TULP4: variants seen among roughly 807,000 people sequenced by gnomAD.
TULP4 encodes tubby-related protein 4.
In TULP4, 16 loss-of-function variants were observed where a neutral mutation model predicts 129.0. That is an observed-to-expected ratio of 0.12 (90% CI 0.08 to 0.19). The LOEUF is 0.19. Among genes scored for constraint, TULP4 ranks in the 10% least tolerant of loss-of-function variants. TULP4 has a pLI of 1.00. For missense variants in TULP4, 1,842 were observed against 2,059.1 expected, an observed-to-expected ratio of 0.89 and a Z score of 2.04; for synonymous variants, 998 against 854.0, an observed-to-expected ratio of 1.17 and a Z score of -2.94.
chr6:158,283,124 G>A (rs1178835338), intron 1 of TULP4, among the ~76,000 whole-genome samples: 2 of 143,124 alleles, frequency 1.4e-5, no homozygotes, highest in Non-Finnish European at 1.5e-5. Flanking sequence ...GGGTGACAGA[G>A]CAAGACTCCG....
At chr6:158,489,560 T>G (rs1780150075) in intron 8 of TULP4, 28 bp from the exon 9 acceptor site, 1 of 1,613,684 alleles carries the variant, frequency 6.2e-7, no homozygotes, top group Non-Finnish European at 8.5e-7. Context: ...TAACTTCCCT[T>G]GAAATCTGCT....
chr6:158,430,462 G>A (rs1232861388), intron 3 of TULP4, among the ~76,000 whole-genome samples: 1 of 152,140 alleles, frequency 6.6e-6, no homozygotes, highest in African/African-American at 2.4e-5. Context: ...CATTTTGGAG[G>A]CCAGGCACGG....
At chr6:158,239,075 T>C (rs1314641055) in intron 1 of TULP4, among the ~76,000 whole-genome samples, 2 of 84,790 alleles carry the variant, frequency 2.4e-5, no homozygotes, top group Non-Finnish European at 5.1e-5. Context: ...CCCACCTCCC[T>C]CCCGGACGGG....
At chr6:158,334,986 T>A (rs937846668) in intron 1 of TULP4, among the ~76,000 whole-genome samples, 2 of 152,128 alleles carry the variant, frequency 1.3e-5, no homozygotes, top group Non-Finnish European at 2.9e-5. Context: ...AAAAATAAAT[T>A]TCTGTTCTTG....
At chr6:158,342,037 G>A (rs957944300) in intron 1 of TULP4, among the ~76,000 whole-genome samples, 2 of 152,212 alleles carry the variant, frequency 1.3e-5, no homozygotes, top group South Asian at 2.1e-4. Context: ...TCCTGCCTCA[G>A]CCTCCTGAGT....
chr6:158,242,155 C>G (rs1021177404), intron 1 of TULP4: 15 of 1,041,844 alleles, frequency 1.4e-5, no homozygotes, highest in Admixed American at 1.7e-5. Flanking sequence ...GATGGCCAGT[C>G]CTGCCTGTGG....
intron 1 of TULP4, among the ~76,000 whole-genome samples, chr6:158,387,312 C>T (rs556920142): frequency 5.9e-5 from 9 of 152,104 alleles, no homozygotes; most frequent in African/African-American, 1.4e-4. Context: ...CTGTCAGTCC[C>T]GTATATCTAT....
At chr6:158,486,145 G>A (rs1165396914) in intron 8 of TULP4, among the ~76,000 whole-genome samples, 1 of 152,136 alleles carries the variant, frequency 6.6e-6, no homozygotes, top group Non-Finnish European at 1.5e-5. Context: ...GTGCCCCCAC[G>A]TCACCCCCAA....
chr6:158,477,008 A>G (rs1229259583), intron 6 of TULP4, among the ~76,000 whole-genome samples: 3 of 152,150 alleles, frequency 2.0e-5, no homozygotes, highest in Non-Finnish European at 4.4e-5. Context: ...GAATAATGTT[A>G]TTCATGTGGG....
At chr6:158,285,944 C>T (rs911629763) in intron 1 of TULP4, among the ~76,000 whole-genome samples, 7 of 152,142 alleles carry the variant, frequency 4.6e-5, no homozygotes, top group African/African-American at 1.7e-4. Flanking sequence ...CATTTGAGTC[C>T]TTTCTATATG....
At chr6:158,369,826 A>C (rs1466625588) in intron 1 of TULP4, among the ~76,000 whole-genome samples, 1 of 151,922 alleles carries the variant, frequency 6.6e-6, no homozygotes, top group East Asian at 1.9e-4. Flanking sequence ...GGGGAGGGAG[A>C]TTTGCTTTCT....
At position 158,507,818 on chromosome 6, in the gene TULP4, G is replaced by T. The variant is rs147206358; in HGVS notation, c.*1124G>T. The T allele has an allele frequency of 1.3e-5, 2 of 152,098 alleles. No homozygotes were observed. Among genetic ancestry groups the T allele is most frequent in the South Asian group, 2.1e-4 (1 of 4,824 alleles). 9.4% of individuals were successfully genotyped at this position (152,098 alleles called of 1,614,324 possible). Reference sequence around the variant, plus strand: ...CATTAAAATTCAGTTGACTACAAATGCTTTCTATCAAATTAGAAATGTAAC... The same window carrying T: ...CATTAAAATTCAGTTGACTACAAATTCTTTCTATCAAATTAGAAATGTAAC... On this transcript the variant is annotated 3_prime_UTR_variant, in exon 14 of 14. Coordinates refer to ENST00000367097, the MANE Select transcript of TULP4 (RefSeq NM_020245.5).
intron 1 of TULP4, among the ~76,000 whole-genome samples, chr6:158,257,556 T>C (rs1439417808): frequency 6.6e-6 from 1 of 152,216 alleles, no homozygotes; most frequent in East Asian, 1.9e-4. Context: ...AAAATAACGG[T>C]TGCTTCTTCT....
chr6:158,484,351 G>C (rs144905882), intron 8 of TULP4, among the ~76,000 whole-genome samples: 2 of 151,492 alleles, frequency 1.3e-5, no homozygotes, highest in African/African-American at 4.9e-5. Context: ...GGGTCTCACC[G>C]TGTTTCCCAG....
chr6:158,419,922 A>G (rs113311352), intron 2 of TULP4, among the ~76,000 whole-genome samples: 156 of 152,334 alleles, frequency 1.0e-3, no homozygotes, highest in African/African-American at 3.5e-3. Flanking sequence ...TCTGAGCAAC[A>G]CAATTAACAA....
At chr6:158,278,027 CT>C (rs1237684238), upstream of TULP4, among the ~76,000 whole-genome samples, 1 of 152,176 alleles carries the variant, frequency 6.6e-6, no homozygotes, top group Non-Finnish European at 1.5e-5. Context: ...CAGGCTCAAG[CT>C]TTTGTTGGGT....
intron 3 of TULP4, among the ~76,000 whole-genome samples, chr6:158,444,646 T>A (rs536738220): frequency 6.6e-6 from 1 of 152,344 alleles, no homozygotes; most frequent in African/African-American, 2.4e-5. Context: ...AATAGAAATC[T>A]TTTGAATGAT....
rs138717717 is a variant in TULP4 at position 158,480,465 on chromosome 6, G to C, written c.1251+490G>C. On this transcript the variant is annotated intron_variant, in intron 7 of 13. Transcript: ENST00000367097. Reference sequence around the variant, plus strand: ...GGCCTGCTCTCAGCACTGCTGAGGAGGGCCACTCCAGCCAGCACTCAGCGT... The same window carrying C: ...GGCCTGCTCTCAGCACTGCTGAGGACGGCCACTCCAGCCAGCACTCAGCGT... Among the ~76,000 whole-genome samples the C allele has an allele frequency of 1.1e-3, 170 of 152,368 alleles. 4 individuals are homozygous for C. The East Asian group carries it at 0.032, about 29-fold the overall frequency.
intron 1 of TULP4, among the ~76,000 whole-genome samples, chr6:158,350,322 G>A (rs150907163): frequency 0.17 from 26,231 of 150,760 alleles, 2,691 homozygotes; most frequent in Middle Eastern, 0.25. Context: ...TCCTAGATGG[G>A]GTGGCGGGCG....
Sources: allele counts gnomAD v4.1 joint callset (sites outside exome capture counted in the v4.1 genomes callset), GRCh38; gene constraint gnomAD v4.1.1; transcripts MANE v1.5; gene names NCBI Gene and HGNC (gene_info 2026-07-23, HGNC 2026-07-21).